DMD: variants seen among roughly 807,000 people sequenced by gnomAD.
The protein encoded by DMD is dystrophin, also known as mutant dystrophin.
DMD carries 63 observed loss-of-function variants against 330.1 expected under a neutral mutation model. That is an observed-to-expected ratio of 0.19 (90% CI 0.16 to 0.24). DMD has a LOEUF of 0.24. DMD is among the 10% of genes least tolerant of loss of function. DMD has a pLI of 1.00. For synonymous variants in DMD, 1,223 were observed against 959.8 expected (o/e 1.27, Z -5.07); for missense variants, 3,344 against 2,684.1 (o/e 1.25, Z -5.43).
intron 41 of DMD, among the ~76,000 whole-genome samples, chrX:32,319,655 A>G (rs1255874132): frequency 2.7e-5 from 3 of 111,496 alleles, no homozygotes; most frequent in Non-Finnish European, 5.7e-5. Flanking sequence ...GCTATTGTAC[A>G]TGCGTGCTTA....
chrX:32,969,062 T>TAAAAAA (rs2092289420), intron 2 of DMD, among the ~76,000 whole-genome samples: 1 of 71,832 alleles, frequency 1.4e-5, no homozygotes, highest in Non-Finnish European at 2.8e-5. Flanking sequence ...AAAAAGAACC[T>TAAAAAA]AGAACGCTCC....
intron 41 of DMD, among the ~76,000 whole-genome samples, chrX:32,327,716 G>A (rs958602285): frequency 1.8e-5 from 2 of 110,961 alleles, no homozygotes; most frequent in African/African-American, 6.5e-5. Context: ...ATTATCCTAT[G>A]GCAAGGATTC....
chrX:31,670,682 C>G (rs1331353823), intron 53 of DMD, among the ~76,000 whole-genome samples: 1 of 111,685 alleles, frequency 9.0e-6, no homozygotes, highest in African/African-American at 3.3e-5. Flanking sequence ...AACTGTAGCA[C>G]TTTAATCTCT....
intron 43 of DMD, among the ~76,000 whole-genome samples, chrX:32,241,239 T>C (rs1383421691): frequency 8.9e-6 from 1 of 112,298 alleles, no homozygotes; most frequent in Admixed American, 9.5e-5. Flanking sequence ...CATTTAGTAG[T>C]TGCATGTGCA....
intron 45 of DMD, among the ~76,000 whole-genome samples, chrX:31,943,008 T>A (rs1239733804): frequency 9.8e-5 from 11 of 112,372 alleles, no homozygotes; most frequent in Non-Finnish European, 1.7e-4. Flanking sequence ...CAAGTGTTTG[T>A]AAACTATGGC....
intron 67 of DMD, among the ~76,000 whole-genome samples, chrX:31,197,692 G>C (rs1401783011): frequency 1.8e-5 from 2 of 111,495 alleles, no homozygotes; most frequent in African/African-American, 6.5e-5. Flanking sequence ...TGAATATAAA[G>C]TTGGTATACT....
chrX:32,163,971 A>G (rs2096858946), intron 44 of DMD, among the ~76,000 whole-genome samples: 1 of 111,484 alleles, frequency 9.0e-6, no homozygotes, highest in African/African-American at 3.3e-5. Flanking sequence ...TGTTTCTTCT[A>G]CCTGGAATGC....
intron 2 of DMD, among the ~76,000 whole-genome samples, chrX:32,961,528 T>C (rs939507902): frequency 8.9e-6 from 1 of 111,928 alleles, no homozygotes; most frequent in Admixed American, 9.6e-5. Flanking sequence ...TTTAATTAAA[T>C]AATTAATATT....
At chrX:31,870,248 T>C (rs1456668047) in intron 48 of DMD, among the ~76,000 whole-genome samples, 2 of 112,101 alleles carry the variant, frequency 1.8e-5, no homozygotes, top group African/African-American at 6.5e-5. Flanking sequence ...GAAAACTTTA[T>C]ATATTATTTC....
chrX:32,948,677 A>C (rs1350066278), intron 2 of DMD, among the ~76,000 whole-genome samples: 1 of 111,862 alleles, frequency 8.9e-6, no homozygotes, highest in Non-Finnish European at 1.9e-5. Context: ...GGCTGAAGCT[A>C]ATCTGTCATT....
chrX:31,947,279 C>T (rs1242432096), intron 45 of DMD, among the ~76,000 whole-genome samples: 5 of 111,514 alleles, frequency 4.5e-5, no homozygotes, highest in Middle Eastern at 9.3e-3. Flanking sequence ...GCTTGCATCA[C>T]CACAGTCGGC....
intron 55 of DMD, among the ~76,000 whole-genome samples, chrX:31,608,193 G>A (rs2148273251): frequency 8.9e-6 from 1 of 111,813 alleles, no homozygotes; most frequent in Non-Finnish European, 1.9e-5. Context: ...ACAAACCCAA[G>A]TATCAGTTCA....
chrX:32,917,851 T>G (rs912973924), intron 2 of DMD, among the ~76,000 whole-genome samples: 3 of 111,237 alleles, frequency 2.7e-5, no homozygotes, highest in African/African-American at 9.8e-5. Flanking sequence ...CATCCTGTCA[T>G]GCCAGGATTT....
chrX:32,470,686 C>T (rs193272234), intron 22 of DMD, among the ~76,000 whole-genome samples: 55 of 111,053 alleles, frequency 5.0e-4, no homozygotes, highest in Admixed American at 4.9e-3. Context: ...GCATTAAAAA[C>T]CACAACAAAA....
chrX:32,725,536 C>G (rs920176940), intron 7 of DMD, among the ~76,000 whole-genome samples: 1 of 109,747 alleles, frequency 9.1e-6, no homozygotes, highest in Non-Finnish European at 1.9e-5. Flanking sequence ...AACAAAGAGT[C>G]AAAAAAGGTC....
chrX:31,618,233 G>A (rs866902934), intron 55 of DMD, among the ~76,000 whole-genome samples: 5 of 89,977 alleles, frequency 5.6e-5, no homozygotes, highest in Admixed American at 1.2e-4. Context: ...AAATAAAAGT[G>A]AAAAAAAAAA....
At chrX:32,175,282 T>C (rs1569548744) in intron 44 of DMD, among the ~76,000 whole-genome samples, 1 of 110,462 alleles carries the variant, frequency 9.1e-6, no homozygotes, top group African/African-American at 3.3e-5. Flanking sequence ...TACAAGAGGA[T>C]TGTAAAACGC....
At chrX:32,269,795 TTTTTA>T (rs1341708464) in intron 43 of DMD, among the ~76,000 whole-genome samples, 3 of 111,634 alleles carry the variant, frequency 2.7e-5, no homozygotes, top group Non-Finnish European at 5.7e-5. Context: ...CACAAACAGG[TTTTTA>T]TTTTGTTTTG....
At chrX:31,704,270 C>CA (rs1359872408) in intron 52 of DMD, among the ~76,000 whole-genome samples, 2 of 111,195 alleles carry the variant, frequency 1.8e-5, no homozygotes, top group Non-Finnish European at 3.8e-5. Context: ...TTATGGGAAA[C>CA]AAAAAACACT....
Sources: allele counts gnomAD v4.1 joint callset (sites outside exome capture counted in the v4.1 genomes callset), GRCh38; gene constraint gnomAD v4.1.1; transcripts MANE v1.5; gene names NCBI Gene and HGNC (gene_info 2026-07-23, HGNC 2026-07-21).